The following KIAA1549L variants were observed in gnomAD, a reference collection of about 807,000 sequenced individuals.
The protein encoded by KIAA1549L is UPF0606 protein KIAA1549L.
In KIAA1549L, 88 loss-of-function variants were observed where a neutral mutation model predicts 160.7. The ratio of observed to expected loss-of-function variants is 0.55; its 90% confidence interval spans 0.46 to 0.65. The LOEUF (loss-of-function observed/expected upper bound fraction) is 0.65. Ranked by LOEUF, KIAA1549L falls within the 30% of genes least tolerant of loss-of-function variation. The pLI, the probability that KIAA1549L is intolerant of heterozygous loss-of-function variation, is 0.00. For missense variants in KIAA1549L, 2,258 were observed against 2,437.5 expected (o/e 0.93, Z 1.55); for synonymous variants, 950 against 976.7 (o/e 0.97, Z 0.51).
chr11:33,459,130 G>C (rs1451106537), intron 1 of KIAA1549L, among the ~76,000 whole-genome samples: 1 of 152,206 alleles, frequency 6.6e-6, no homozygotes, highest in Non-Finnish European at 1.5e-5. Context: ...TATGTTAGTG[G>C]AGACTTTATT....
At chr11:33,396,617 C>T (rs1023657412) in intron 1 of KIAA1549L, among the ~76,000 whole-genome samples, 1 of 150,636 alleles carries the variant, frequency 6.6e-6, no homozygotes, top group African/African-American at 2.4e-5. Context: ...TTACTCTTCT[C>T]CCTTTAACTT....
At chr11:33,377,617 AAAT>A (rs1328158522) in intron 1 of KIAA1549L, among the ~76,000 whole-genome samples, 2 of 152,172 alleles carry the variant, frequency 1.3e-5, no homozygotes, top group African/African-American at 2.4e-5. Context: ...GTTGTCCTGG[AAAT>A]AATAATGATT....
intron 1 of KIAA1549L, among the ~76,000 whole-genome samples, chr11:33,390,253 T>C (rs1378830853): frequency 2.0e-5 from 3 of 152,170 alleles, no homozygotes; most frequent in African/African-American, 7.2e-5. Context: ...CTTCATGATA[T>C]TGCCCTCCAG....
chr11:33,651,933 T>TC (rs1851909238), intron 17 of KIAA1549L, among the ~76,000 whole-genome samples: 2 of 81,944 alleles, frequency 2.4e-5, no homozygotes, highest in Admixed American at 1.4e-4. Context: ...CTCCCTCCCT[T>TC]CCTTCCTTCG....
At chr11:33,416,808 G>A (rs1203330299) in intron 1 of KIAA1549L, among the ~76,000 whole-genome samples, 3 of 152,176 alleles carry the variant, frequency 2.0e-5, no homozygotes, top group Admixed American at 2.0e-4. Flanking sequence ...CATGCCTATG[G>A]CTGGTAGGAC....
At chr11:33,390,537 C>T (rs1268929153) in intron 1 of KIAA1549L, among the ~76,000 whole-genome samples, 1 of 152,208 alleles carries the variant, frequency 6.6e-6, no homozygotes, top group African/African-American at 2.4e-5. Context: ...CAAGCTGCTG[C>T]AATCTGGCCA....
At chr11:33,529,334 CAA>C (rs58011084) in intron 1 of KIAA1549L, among the ~76,000 whole-genome samples, 1 of 133,152 alleles carries the variant, frequency 7.5e-6, no homozygotes. Flanking sequence ...GACCCTGTTT[CAA>C]AAAAAAAAAA....
chr11:33,591,432 G>T lies in KIAA1549L; in HGVS notation c.4751+11G>T. The T allele has an allele frequency of 6.3e-7, 1 of 1,583,710 alleles. No homozygotes were observed. Among genetic ancestry groups the T allele is most frequent in the Middle Eastern group, 1.7e-4 (1 of 5,956 alleles). ...TGAAACCAGGAAGAGGTAGGCACGG[G>T]GCTGACTTCTGCCTCTCTGTGTCAG... On this transcript the variant is annotated intron_variant, in intron 12 of 20. Transcript: ENST00000658780.
intron 17 of KIAA1549L, among the ~76,000 whole-genome samples, chr11:33,646,463 T>A (rs921764661): frequency 9.9e-5 from 15 of 152,160 alleles, no homozygotes; most frequent in Non-Finnish European, 1.5e-4. Context: ...CGAATTTAAA[T>A]CTCAGGTCTA....
chr11:33,535,076 G>A (rs574166587), intron 1 of KIAA1549L, among the ~76,000 whole-genome samples: 4 of 152,236 alleles, frequency 2.6e-5, no homozygotes, highest in South Asian at 2.1e-4. Flanking sequence ...TCATCTGGAG[G>A]CTTGGCTGGG....
At chr11:33,532,876 G>T (rs1242039968) in intron 1 of KIAA1549L, among the ~76,000 whole-genome samples, 2 of 152,230 alleles carry the variant, frequency 1.3e-5, no homozygotes, top group Non-Finnish European at 2.9e-5. Context: ...ACCTTGGGAA[G>T]ATTTTCTTCT....
At chr11:33,639,760 G>A (rs544996963) in intron 16 of KIAA1549L, among the ~76,000 whole-genome samples, 1 of 152,152 alleles carries the variant, frequency 6.6e-6, no homozygotes, top group Admixed American at 6.5e-5. Flanking sequence ...GGCTGGTCTC[G>A]AACTCCTGAC....
In KIAA1549L at chr11:33,574,812, C is replaced by T. The variant is rs1855391443; in HGVS notation, c.4341C>T (p.Ser1447=). ...LLGTAAAKIL[S]TIDSQRMALT... is the part of the protein sequence containing the mutation. ...GGACCGCAGCTGCCAAGATCCTGAG[C>T]ACCATTGATTCCCAAAGGATGGCCT... is the stretch of plus-strand genomic sequence containing the variant. The change falls in exon 10 of 21, where the codon AGC becomes AGT. Residue 1447 remains serine (S), a synonymous_variant. Coordinates refer to ENST00000658780, the MANE Select transcript of KIAA1549L (RefSeq NM_012194.3). 3 of 1,613,906 alleles carry T rather than the reference C, an allele frequency of 1.9e-6. No individual in the cohort carries two copies. The highest frequency in any genetic ancestry group is 1.7e-5 in the Admixed American group (1 of 60,008).
At chr11:33,615,191 G>T (rs1035805006) in intron 15 of KIAA1549L, among the ~76,000 whole-genome samples, 24 of 152,028 alleles carry the variant, frequency 1.6e-4, no homozygotes, top group African/African-American at 5.6e-4. Context: ...GGAACCCCAC[G>T]TAAGGTAATA....
At chr11:33,512,771 T>G (rs945938566) in intron 1 of KIAA1549L, among the ~76,000 whole-genome samples, 4 of 152,122 alleles carry the variant, frequency 2.6e-5, no homozygotes, top group African/African-American at 9.7e-5. Flanking sequence ...CTCCTTCAGT[T>G]CTCACATCAG....
chr11:33,491,446 G>C (rs993344590), intron 1 of KIAA1549L, among the ~76,000 whole-genome samples: 2 of 152,160 alleles, frequency 1.3e-5, no homozygotes, highest in Admixed American at 1.3e-4. Flanking sequence ...ACAATCCATA[G>C]TGTATACAAA....
intron 1 of KIAA1549L, among the ~76,000 whole-genome samples, chr11:33,384,368 A>G (rs1850131105): frequency 6.6e-6 from 1 of 152,230 alleles, no homozygotes; most frequent in Non-Finnish European, 1.5e-5. Flanking sequence ...TTATGCATTC[A>G]GCAGTTGATG....
chr11:33,388,138 C>T (rs984574922), intron 1 of KIAA1549L, among the ~76,000 whole-genome samples: 1 of 152,108 alleles, frequency 6.6e-6, no homozygotes, highest in Non-Finnish European at 1.5e-5. Context: ...AAGAACTGCC[C>T]GAGACTGAGT....
intron 1 of KIAA1549L, among the ~76,000 whole-genome samples, chr11:33,490,811 TG>T (rs1000680931): frequency 3.9e-5 from 6 of 152,168 alleles, no homozygotes; most frequent in African/African-American, 1.4e-4. Context: ...GTGAATTACC[TG>T]GGATCTTATC....
Sources: allele counts gnomAD v4.1 joint callset (sites outside exome capture counted in the v4.1 genomes callset), GRCh38; gene constraint gnomAD v4.1.1; transcripts MANE v1.5; gene names NCBI Gene and HGNC (gene_info 2026-07-23, HGNC 2026-07-21).